Variants in SAMD8 observed in about 807,000 individuals in gnomAD.
SAMD8 encodes sphingomyelin synthase-related protein 1.
In SAMD8, 20 loss-of-function variants were observed where a neutral mutation model predicts 42.0. The ratio of observed to expected loss-of-function variants is 0.48; its 90% CI spans 0.34 to 0.69. The LOEUF is 0.69. SAMD8 is among the 30% of genes least tolerant of loss of function. The probability of loss-of-function intolerance (pLI) is 0.01; values close to 1 mark genes in which losing one functional copy is unlikely to be tolerated. For missense variants in SAMD8, 328 were observed against 511.6 expected (o/e 0.64, Z 3.46); for synonymous variants, 162 against 173.0 (o/e 0.94, Z 0.50).
chr10:75,149,648 AT>A (rs1180933244), intron 1 of SAMD8, among the ~76,000 whole-genome samples: 1 of 152,164 alleles, frequency 6.6e-6, no homozygotes, highest in African/African-American at 2.4e-5. Flanking sequence ...ACTTTCCTTT[AT>A]GTTTATTTCC....
chr10:75,161,441 G>A (rs1840555219), intron 2 of SAMD8, among the ~76,000 whole-genome samples: 1 of 151,978 alleles, frequency 6.6e-6, no homozygotes, highest in Non-Finnish European at 1.5e-5. Flanking sequence ...CCCAAAGCTT[G>A]ACAGAGCTCA....
intron 1 of SAMD8, among the ~76,000 whole-genome samples, chr10:75,145,382 T>G (rs1250494480): frequency 1.3e-5 from 2 of 152,264 alleles, no homozygotes; most frequent in African/African-American, 4.8e-5. Flanking sequence ...TTATAAGTGA[T>G]ACTTTCCTGC....
At chr10:75,124,536 C>T (rs1025288130) in intron 1 of SAMD8, among the ~76,000 whole-genome samples, 51 of 151,534 alleles carry the variant, frequency 3.4e-4, no homozygotes, top group African/African-American at 1.2e-3. Flanking sequence ...TTGCTTCAAC[C>T]CGGGAGGCGG....
upstream of SAMD8, among the ~76,000 whole-genome samples, chr10:75,109,967 G>A (rs1333281230): frequency 7.9e-5 from 12 of 152,138 alleles, no homozygotes; most frequent in Admixed American, 7.9e-4. Flanking sequence ...ACAGGCATGT[G>A]CCACCATGCC....
At chr10:75,104,273 T>C (rs1366993524) in intron 1 of SAMD8, among the ~76,000 whole-genome samples, 5 of 152,162 alleles carry the variant, frequency 3.3e-5, no homozygotes, top group African/African-American at 9.7e-5. Context: ...TTGGTATCCA[T>C]GGCTTAGGGA....
In SAMD8 at chr10:75,181,476, A is replaced by T. The variant is rs542832700; in HGVS notation, c.*4784A>T. On this transcript the variant is annotated 3_prime_UTR_variant, in exon 6 of 6. Coordinates refer to ENST00000542569, the MANE Select transcript of SAMD8 (RefSeq NM_001174156.2). The stretch of plus-strand genomic sequence containing the variant: ...AATTTCAAATAACTAAAATGTGACC[A>T]ATTACTTTGCTTCAAGTTCTATACA... 1 of 152,328 alleles carries T rather than the reference A, an allele frequency of 6.6e-6. No homozygotes were observed. Among genetic ancestry groups the T allele is most frequent in the South Asian group, 2.1e-4 (1 of 4,826 alleles). 9.4% of individuals were successfully genotyped at this position (152,328 alleles called of 1,614,324 possible). A position where few individuals can be genotyped will look rare whatever the true frequency, so the allele number is the denominator to read the frequency against.
intron 4 of SAMD8, among the ~76,000 whole-genome samples, chr10:75,170,770 GTTTT>G (rs34290557): frequency 5.7e-5 from 6 of 105,220 alleles, no homozygotes; most frequent in East Asian, 3.6e-4. Context: ...GTTTTTTTGG[GTTTT>G]TTTTTTTTTT....
chr10:75,132,696 A>AT (rs60240692), intron 1 of SAMD8, among the ~76,000 whole-genome samples: 66 of 150,538 alleles, frequency 4.4e-4, no homozygotes, highest in Middle Eastern at 6.8e-3. Flanking sequence ...CCAAAGGCAG[A>AT]TTTTTTTTTT....
At chr10:75,107,888 T>C, upstream of SAMD8, 1 of 1,360,418 alleles carries the variant, frequency 7.4e-7, no homozygotes, top group Non-Finnish European at 1.0e-6. Flanking sequence ...AAGCAGAGGA[T>C]TTTTAAAAAG....
intron 4 of SAMD8, among the ~76,000 whole-genome samples, chr10:75,173,820 G>C (rs1025324062): frequency 1.3e-5 from 2 of 152,124 alleles, no homozygotes; most frequent in Non-Finnish European, 2.9e-5. Flanking sequence ...GGTCATATTT[G>C]ATAGAATCTT....
chr10:75,176,238 C>T lies in SAMD8; in HGVS notation c.943+22C>T, dbSNP rs770857142. 11 of 1,614,018 alleles carry T rather than the reference C, an allele frequency of 6.8e-6. No homozygotes were observed. In the South Asian group the frequency reaches 1.1e-4, roughly 16 times the overall value. On this transcript the variant is annotated intron_variant, in intron 5 of 5. Coordinates refer to ENST00000542569, the MANE Select transcript of SAMD8 (RefSeq NM_001174156.2). This position sits in a 1 kb window ranked among gnomAD's most constrained non-coding sequence, Gnocchi z 4.3. Reference sequence around the variant, plus strand: ...GAATGTAAGTATCTTTTTAGTGCTTCTATGCGTATTAGGTAACTAGCTGCA... The same window carrying T: ...GAATGTAAGTATCTTTTTAGTGCTTTTATGCGTATTAGGTAACTAGCTGCA...
chr10:75,154,641 T>C (rs1840369415), intron 2 of SAMD8, among the ~76,000 whole-genome samples: 1 of 150,810 alleles, frequency 6.6e-6, no homozygotes, highest in African/African-American at 2.5e-5. Context: ...ACTTCTATTT[T>C]AAAAGGTCAT....
chr10:75,152,523 A>G (rs563573965), intron 2 of SAMD8, among the ~76,000 whole-genome samples: 1 of 145,658 alleles, frequency 6.9e-6, no homozygotes, highest in East Asian at 2.0e-4. Context: ...CTCCGTCTCA[A>G]AAAAAAAAAA....
intron 2 of SAMD8, among the ~76,000 whole-genome samples, chr10:75,155,193 T>C (rs1840382842): frequency 6.6e-6 from 1 of 152,170 alleles, no homozygotes; most frequent in Admixed American, 6.5e-5. Flanking sequence ...CCCCCCAGCC[T>C]ATTCCAAGAT....
intron 1 of SAMD8, among the ~76,000 whole-genome samples, chr10:75,123,596 G>T (rs1045426056): frequency 1.3e-5 from 2 of 152,168 alleles, no homozygotes; most frequent in African/African-American, 4.8e-5. Flanking sequence ...AATGGGGCTG[G>T]TTTTTTATGT....
chr10:75,134,539 G>T (rs930376261), intron 1 of SAMD8, among the ~76,000 whole-genome samples: 3 of 152,098 alleles, frequency 2.0e-5, no homozygotes, highest in Non-Finnish European at 4.4e-5. Context: ...GGAGGCTAAG[G>T]CAGGAGAATT....
intron 4 of SAMD8, among the ~76,000 whole-genome samples, chr10:75,172,039 A>G (rs981217150): frequency 1.3e-5 from 2 of 152,056 alleles, no homozygotes; most frequent in African/African-American, 2.4e-5. Context: ...AAAAAAAAAA[A>G]AAGTGGTATG....
chr10:75,105,760 A>G, intron 1 of SAMD8: 1 of 1,552,910 alleles, frequency 6.4e-7, no homozygotes, highest in Non-Finnish European at 8.7e-7. Flanking sequence ...GTGCTGCCTC[A>G]CGGTGATCAC....
intron 1 of SAMD8, among the ~76,000 whole-genome samples, chr10:75,119,873 C>A (rs1410162488): frequency 6.6e-6 from 1 of 152,150 alleles, no homozygotes; most frequent in Non-Finnish European, 1.5e-5. Context: ...CAAGACCAGC[C>A]TGGCCAACAT....
Sources: gnomAD v4.1 joint callset for allele counts (sites outside exome capture counted in the v4.1 genomes callset) on GRCh38, gnomAD v4.1.1 for gene constraint, Gnocchi (gnomAD v3.1) non-coding constraint, MANE v1.5 for transcripts, NCBI Gene and HGNC (gene_info 2026-07-23, HGNC 2026-07-21) for gene names.